Variants in RORA observed in about 807,000 individuals in gnomAD.
RORA encodes RAR related orphan receptor A.
In RORA, 7 loss-of-function variants were observed where a neutral mutation model predicts 69.5. The observed-to-expected ratio is 0.10, with a 90% CI of 0.06 to 0.19. RORA has a LOEUF of 0.19. RORA is among the 10% of genes least tolerant of loss of function. The pLI, the probability that RORA is intolerant of heterozygous loss-of-function variation, is 1.00. For missense variants in RORA, 457 were observed against 663.0 expected (o/e 0.69, Z 3.41); for synonymous variants, 261 against 240.8 (o/e 1.08, Z -0.78).
chr15:60,613,053 G>C (rs565558549), intron 2 of RORA, among the ~76,000 whole-genome samples: 1 of 151,302 alleles, frequency 6.6e-6, no homozygotes, highest in African/African-American at 2.4e-5. Context: ...TAAAGTGTAG[G>C]TGAAGGTGAT....
At chr15:60,979,532 T>C (rs1460877750) in intron 1 of RORA, among the ~76,000 whole-genome samples, 2 of 152,158 alleles carry the variant, frequency 1.3e-5, no homozygotes, top group African/African-American at 2.4e-5. Flanking sequence ...TTTCAATGTA[T>C]AGGACTTTCA....
intron 2 of RORA, among the ~76,000 whole-genome samples, chr15:60,591,309 G>GGCGGCGT (rs2068500972): frequency 6.6e-6 from 1 of 152,102 alleles, no homozygotes; most frequent in Admixed American, 6.5e-5. Context: ...GCGGGCGGCG[G>GGCGGCGT]GCGGCGTGCT....
intron 1 of RORA, among the ~76,000 whole-genome samples, chr15:61,186,191 C>T (rs1197472677): frequency 6.6e-6 from 1 of 152,204 alleles, no homozygotes; most frequent in Non-Finnish European, 1.5e-5. Flanking sequence ...ACTACAATTT[C>T]TTCCTTGCTC....
intron 1 of RORA, among the ~76,000 whole-genome samples, chr15:60,769,456 A>T (rs923315883): frequency 6.6e-6 from 1 of 152,190 alleles, no homozygotes. Flanking sequence ...GAGCTGACAT[A>T]TGCACCTGTA....
chr15:60,969,091 C>G (rs1268991418), intron 1 of RORA, among the ~76,000 whole-genome samples: 1 of 152,204 alleles, frequency 6.6e-6, no homozygotes, highest in Non-Finnish European at 1.5e-5. Flanking sequence ...GTAGCAACTT[C>G]TTACTGTACC....
At chr15:60,715,298 G>A (rs2071205305) in intron 1 of RORA, among the ~76,000 whole-genome samples, 1 of 152,186 alleles carries the variant, frequency 6.6e-6, no homozygotes, top group Non-Finnish European at 1.5e-5. Flanking sequence ...TCTTAGTGGT[G>A]GAAGTTCGAA....
At chr15:60,836,311 T>C (rs935937646) in intron 1 of RORA, among the ~76,000 whole-genome samples, 1 of 152,150 alleles carries the variant, frequency 6.6e-6, no homozygotes, top group East Asian at 1.9e-4. Flanking sequence ...AAAAAGGAAC[T>C]TCCGTCTTGC....
rs551242705 is a variant in RORA at position 60,734,951 on chromosome 15, A to G, written c.167-56265T>C. On this transcript the variant is annotated intron_variant, in intron 1 of 10. Transcript: ENST00000335670. ...CTATTTGCACTCAGACTTGACTTGC[A>G]GACAACCATGGGCAGCACAGTTGGG... 3.3e-5 allele frequency among the ~76,000 whole-genome samples: 5 copies of G among 152,336 alleles called. No homozygotes were observed. In the East Asian group the frequency reaches 9.6e-4, roughly 29 times the overall value.
intron 2 of RORA, among the ~76,000 whole-genome samples, chr15:60,645,814 A>T (rs1351727796): frequency 1.2e-3 from 106 of 90,026 alleles, no homozygotes; most frequent in African/African-American, 2.0e-3. Flanking sequence ...TTTTTTTTTA[A>T]AAAATTAAGG....
chr15:61,041,980 C>T (rs553005543), intron 1 of RORA, among the ~76,000 whole-genome samples: 1 of 152,284 alleles, frequency 6.6e-6, no homozygotes, highest in South Asian at 2.1e-4. Context: ...CAAGGAGTCA[C>T]AGCTGATACA....
In RORA at chr15:60,840,784, C is replaced by G. The variant is rs1346704398; in HGVS notation, c.167-162098G>C. On this transcript the variant is annotated intron_variant, in intron 1 of 10. Transcript: ENST00000335670. ...GACAAGGGGAGGATGCCTTCATTAT[C>G]CCCTAATCCTGTCTCCGTGGCCCGG... 3.3e-5 allele frequency among the ~76,000 whole-genome samples: 5 copies of G among 152,236 alleles called. No individual in the cohort carries two copies. In the East Asian group the frequency reaches 9.6e-4, roughly 29 times the overall value.
chr15:60,677,663 G>A (rs976111799), intron 2 of RORA, among the ~76,000 whole-genome samples: 3 of 150,504 alleles, frequency 2.0e-5, no homozygotes, highest in Admixed American at 6.6e-5. Flanking sequence ...AGAATCAACT[G>A]AGGCACAAGA....
intron 1 of RORA, chr15:60,841,106 C>T: frequency 1.0e-6 from 1 of 984,846 alleles, no homozygotes. Context: ...ATTTTTTCAG[C>T]AGAGAGCTGA....
At chr15:60,499,035 T>C (rs2065251070) in intron 10 of RORA, among the ~76,000 whole-genome samples, 1 of 152,178 alleles carries the variant, frequency 6.6e-6, no homozygotes, top group Non-Finnish European at 1.5e-5. Flanking sequence ...AAAATTGACA[T>C]TATAATCATA....
chr15:60,505,104 C>T (rs1567041724), intron 6 of RORA, among the ~76,000 whole-genome samples: 2 of 152,180 alleles, frequency 1.3e-5, no homozygotes, highest in Admixed American at 6.5e-5. Flanking sequence ...CTCCCTAATA[C>T]AACTTCCAGA....
chr15:60,739,989 A>C (rs1001442694), intron 1 of RORA, among the ~76,000 whole-genome samples: 24 of 152,282 alleles, frequency 1.6e-4, no homozygotes, highest in African/African-American at 5.1e-4. Flanking sequence ...CATCCAAAGA[A>C]AGAGATTTGT....
At chr15:60,827,984 G>T in intron 1 of RORA, among the ~76,000 whole-genome samples, 1 of 152,216 alleles carries the variant, frequency 6.6e-6, no homozygotes, top group East Asian at 1.9e-4. Flanking sequence ...ACTGGATGAA[G>T]TAAGACAGAT....
intron 1 of RORA, among the ~76,000 whole-genome samples, chr15:60,849,579 G>C (rs1194405047): frequency 6.6e-6 from 1 of 152,230 alleles, no homozygotes; most frequent in Non-Finnish European, 1.5e-5. Context: ...GGTTTTAATT[G>C]TTGGGGCCAA....
chr15:60,888,697 C>G (rs2140455183), intron 1 of RORA, among the ~76,000 whole-genome samples: 1 of 152,354 alleles, frequency 6.6e-6, no homozygotes, highest in Admixed American at 6.5e-5. Context: ...CTGTTTCTGG[C>G]TCTCCTCAAG....
Sources: allele counts gnomAD v4.1 joint callset (sites outside exome capture counted in the v4.1 genomes callset), GRCh38; gene constraint gnomAD v4.1.1; transcripts MANE v1.5; gene names NCBI Gene and HGNC (gene_info 2026-07-23, HGNC 2026-07-21).